The following FAAH variants were observed in gnomAD, a reference collection of about 807,000 sequenced individuals.
FAAH encodes fatty acid amide hydrolase, also known as fatty-acid amide hydrolase 1.
A neutral mutation model predicts 69.7 loss-of-function variants in FAAH; 63 were observed. That is an observed-to-expected ratio of 0.90 (90% CI 0.74 to 1.12). FAAH has a LOEUF of 1.12. Among genes scored for constraint, FAAH ranks in the 50% most tolerant of loss-of-function variants. FAAH has a pLI of 0.00. For synonymous variants in FAAH, 305 were observed against 324.2 expected (o/e 0.94, Z 0.64); for missense variants, 680 against 755.0 (o/e 0.90, Z 1.16).
chr1:46,400,577 G>C (rs1421997101), intron 1 of FAAH, among the ~76,000 whole-genome samples: 2 of 151,526 alleles, frequency 1.3e-5, no homozygotes, highest in Admixed American at 1.3e-4. Context: ...TGAACACCTG[G>C]ATGGATGGCG....
At chr1:46,399,120 T>G (rs1664652292) in intron 1 of FAAH, among the ~76,000 whole-genome samples, 1 of 152,146 alleles carries the variant, frequency 6.6e-6, no homozygotes, top group South Asian at 2.1e-4. Context: ...GTACATGCAG[T>G]TTTGTTTTAC....
In FAAH at chr1:46,405,804, G is replaced by A. The variant is rs772200756; in HGVS notation, c.785+10G>A. The A allele has an allele frequency of 1.9e-6, 3 of 1,612,988 alleles. No individual in the cohort carries two copies. The highest frequency in any genetic ancestry group is 2.5e-6 in the Non-Finnish European group (3 of 1,179,930). ...CAGGGAACCGCCTCAGGTAAGGTGG[G>A]TGGAGGGCGCTTCTGGGCCCCTCGC... On this transcript the variant is annotated intron_variant, in intron 5 of 14. Coordinates refer to ENST00000243167, the MANE Select transcript of FAAH (RefSeq NM_001441.3). The surrounding 1 kb of genome is among the most constrained non-coding windows in gnomAD (Gnocchi z 4.1).
chr1:46,411,648 CGAGGT>C lies in FAAH; in HGVS notation c.1356+2_1356+6del, dbSNP rs752482106. ...AACTCTGGGAACTGCAGCACGAGAT[CGAGGT>C]GAGGCCAGAGCCTCTGGATTGGAGC... On this transcript the variant is annotated splice_donor_variant and coding_sequence_variant, in exon 12 of 15. Transcript: ENST00000243167. LOFTEE classifies it high-confidence loss of function. The surrounding 1 kb of genome is among the most constrained non-coding windows in gnomAD (Gnocchi z 4.8). 6.2e-7 allele frequency: 1 copy of C among 1,613,348 alleles called. No homozygotes were observed. Among genetic ancestry groups the C allele is most frequent in the South Asian group, 1.1e-5 (1 of 91,028 alleles).
intron 8 of FAAH, 93 bp downstream of exon 8, chr1:46,408,677 C>G: frequency 1.3e-6 from 2 of 1,586,786 alleles, no homozygotes; most frequent in Non-Finnish European, 1.7e-6. Context: ...GGCATCCTGG[C>G]ACTCTGACGA....
chr1:46,400,334 G>A (rs1664675481), intron 1 of FAAH, among the ~76,000 whole-genome samples: 1 of 152,132 alleles, frequency 6.6e-6, no homozygotes, highest in Non-Finnish European at 1.5e-5. Flanking sequence ...AGGCCAGGTT[G>A]GGTTTTGCAC....
chr1:46,410,676 C>T lies in FAAH; in HGVS notation c.1276-138C>T. ...CTGTCCCCTGCGATCTTCAGCCAAC[C>T]CGCATGCTGAAAGGGGTGCCGACCT... On this transcript the variant is annotated intron_variant, in intron 10 of 14. Coordinates refer to ENST00000243167, the MANE Select transcript of FAAH (RefSeq NM_001441.3). The surrounding 1 kb of genome is among the most constrained non-coding windows in gnomAD (Gnocchi z 4.9). 8.5e-7 allele frequency: 1 copy of T among 1,182,478 alleles called. No homozygotes were observed. The highest frequency in any genetic ancestry group is 1.2e-5 in the South Asian group (1 of 82,010). The allele number at this position is 1,182,478 out of a possible 1,614,324, so 73.2% of individuals were successfully genotyped here.
rs920440760 is a variant in FAAH at position 46,410,405 on chromosome 1, G to A, written c.1183G>A (p.Asp395Asn). The A allele has an allele frequency of 6.2e-7, 1 of 1,614,070 alleles. No homozygotes were observed. The highest frequency in any genetic ancestry group is 1.7e-5 in the Admixed American group (1 of 60,016). Residue 395 changes from aspartate (D) to asparagine (N), a missense_variant, in exon 10 of 15, where the codon GAT becomes AAT. By Grantham distance (23) the Asp-to-Asn change is conservative. Coordinates refer to ENST00000243167, the MANE Select transcript of FAAH (RefSeq NM_001441.3). This position sits in a 1 kb window ranked among gnomAD's most constrained non-coding sequence, Gnocchi z 4.9. ...GAGCATTTTGTTTCCCAGCAAAGGT[G>A]ATTTCGTGGACCCCTGCCTGGGGGA... is the stretch of plus-strand genomic sequence containing the variant. ...GHTFLQNFKG[D>N]FVDPCLGDLV... is the part of the protein sequence containing the mutation.
At chr1:46,401,983 G>C in intron 1 of FAAH, 108 bp from the exon 2 acceptor site, 1 of 929,978 alleles carries the variant, frequency 1.1e-6, no homozygotes, top group Non-Finnish European at 1.7e-6. Context: ...GCAAGGGCCT[G>C]CCCAGGCTGG....
chr1:46,402,581 T>C (rs1664722954), intron 2 of FAAH, among the ~76,000 whole-genome samples: 1 of 152,148 alleles, frequency 6.6e-6, no homozygotes, highest in South Asian at 2.1e-4. Context: ...GGCACAATCT[T>C]GGCGCACTGC....
At position 46,394,346 on chromosome 1, in the gene FAAH, A is replaced by G; in HGVS notation, c.-3A>G. 1 of 1,560,754 alleles carries G rather than the reference A, an allele frequency of 6.4e-7. No individual in the cohort carries two copies. Among genetic ancestry groups the G allele is most frequent in the Non-Finnish European group, 8.6e-7 (1 of 1,157,862 alleles). ...CGGTAGGCAGCAGCAGGCTGAAGGG[A>G]TCATGGTGCAGTACGAGCTGTGGGC... On this transcript the variant is annotated 5_prime_UTR_variant, in exon 1 of 15. Coordinates refer to ENST00000243167, the MANE Select transcript of FAAH (RefSeq NM_001441.3).
chr1:46,394,670 C>G, intron 1 of FAAH, 127 bp downstream of exon 1: 3 of 820,320 alleles, frequency 3.7e-6, no homozygotes, highest in Non-Finnish European at 4.9e-6. Flanking sequence ...TCCAGAATCT[C>G]TCCTTGCCCT....
At chr1:46,407,596 T>A (rs889801139) in intron 7 of FAAH, among the ~76,000 whole-genome samples, 1 of 151,432 alleles carries the variant, frequency 6.6e-6, no homozygotes, top group Non-Finnish European at 1.5e-5. Context: ...GTCCTGGTAC[T>A]CTCTCTCTCT....
chr1:46,410,398 C>T lies in FAAH; in HGVS notation c.1176C>T (p.Phe392=). 1 of 1,613,822 alleles carries T rather than the reference C, an allele frequency of 6.2e-7. No individual in the cohort carries two copies. Among genetic ancestry groups the T allele is most frequent in the African/African-American group, 1.3e-5 (1 of 75,016 alleles). Residue 392 remains phenylalanine (F), a splice_region_variant and synonymous_variant, in exon 10 of 15, where the codon TTC becomes TTT. Coordinates refer to ENST00000243167, the MANE Select transcript of FAAH (RefSeq NM_001441.3). This position sits in a 1 kb window ranked among gnomAD's most constrained non-coding sequence, Gnocchi z 4.9. ...CTGGACCGAGCATTTTGTTTCCCAGCAAAGGTGATTTCGTGGACCCCTGCC... is the reference window on the plus strand; with the variant it reads ...CTGGACCGAGCATTTTGTTTCCCAGTAAAGGTGATTTCGTGGACCCCTGCC... The part of the protein sequence containing the change: ...SDGGHTFLQN[F]KGDFVDPCLG...
rs1047122828 is a variant in FAAH, at chr1:46,410,988, C to A, written c.1316+134C>A. On this transcript the variant is annotated intron_variant, in intron 11 of 14. Coordinates refer to ENST00000243167, the MANE Select transcript of FAAH (RefSeq NM_001441.3). This position sits in a 1 kb window ranked among gnomAD's most constrained non-coding sequence, Gnocchi z 4.9. ...GGAAGTGGCCCAGGCAGGGGGGCAA[C>A]CTTTGTGGCCTTCAGATGGGACTTT... 2 of 1,023,546 alleles carry A rather than the reference C, an allele frequency of 2.0e-6. No individual in the cohort carries two copies. Among genetic ancestry groups the A allele is most frequent in the Admixed American group, 1.9e-5 (1 of 51,696 alleles). The allele number at this position is 1,023,546 out of a possible 1,614,324, so 63.4% of individuals were successfully genotyped here. A position where few individuals can be genotyped will look rare whatever the true frequency, so the allele number is the denominator to read the frequency against.
chr1:46,397,556 T>G (rs1664618193), intron 1 of FAAH, among the ~76,000 whole-genome samples: 1 of 152,068 alleles, frequency 6.6e-6, no homozygotes, highest in South Asian at 2.1e-4. Context: ...TTTTTGGTTT[T>G]TGTTATTTTT....
rs1477547641 is a variant in FAAH at position 46,411,386 on chromosome 1, C to A, written c.1317-226C>A. Among the ~76,000 whole-genome samples, 2 of 152,242 alleles carry A rather than the reference C, an allele frequency of 1.3e-5. No homozygotes were observed. Among genetic ancestry groups the A allele is most frequent in the Admixed American group, 1.3e-4 (2 of 15,286 alleles). ...AGGGTAGCGAGGAATCGGGCCTGGGCTAGTCCTGGCTCTGCTGTGGAGTCA... is the reference window on the plus strand; with the variant it reads ...AGGGTAGCGAGGAATCGGGCCTGGGATAGTCCTGGCTCTGCTGTGGAGTCA... On this transcript the variant is annotated intron_variant, in intron 11 of 14. Coordinates refer to ENST00000243167, the MANE Select transcript of FAAH (RefSeq NM_001441.3). The surrounding 1 kb of genome is among the most constrained non-coding windows in gnomAD (Gnocchi z 4.8).
chr1:46,401,336 A>T (rs997806857), intron 1 of FAAH, among the ~76,000 whole-genome samples: 2 of 152,054 alleles, frequency 1.3e-5, no homozygotes, highest in African/African-American at 4.8e-5. Context: ...TTCTTCAGAT[A>T]GGCAGCCTTT....
intron 14 of FAAH, 81 bp from the exon 15 acceptor site, chr1:46,413,362 CCTCT>C (rs1399879036): frequency 2.2e-5 from 36 of 1,610,618 alleles, no homozygotes; most frequent in Non-Finnish European, 3.0e-5. Flanking sequence ...TACGTTGTGG[CCTCT>C]CTCTAGCTGG....
Position 46,410,756 on chromosome 1 carries a change from GGTTGACGTC to G in FAAH, c.1276-57_1276-49del, listed in dbSNP as rs1664898044. ...GTCCCCAGTGGCTTGGCCTGAAGAA[GGTTGACGTC>G]TGCCGTGGCCCAGAGCTGAGTCACC... is the stretch of plus-strand genomic sequence containing the variant. On this transcript the variant is annotated intron_variant, in intron 10 of 14. Transcript: ENST00000243167. This position sits in a 1 kb window ranked among gnomAD's most constrained non-coding sequence, Gnocchi z 4.9. 6.2e-7 allele frequency: 1 copy of G among 1,611,156 alleles called. No homozygotes were observed. The highest frequency in any genetic ancestry group is 8.5e-7 in the Non-Finnish European group (1 of 1,177,274).
Sources: allele counts gnomAD v4.1 joint callset (sites outside exome capture counted in the v4.1 genomes callset), GRCh38; gene constraint gnomAD v4.1.1; non-coding constraint Gnocchi (gnomAD v3.1); transcripts MANE v1.5; gene names NCBI Gene and HGNC (gene_info 2026-07-23, HGNC 2026-07-21).